The following TOP6BL variants were observed in gnomAD, a reference collection of about 807,000 sequenced individuals.
TOP6BL encodes TOP6B like initiator of meiotic double strand breaks, also known as type 2 DNA topoisomerase 6 subunit B-like.
At chr11:66,839,694 T>C in the TOP6BL span, among the ~76,000 whole-genome samples, 2 of 152,244 alleles carry the variant, frequency 1.3e-5, no homozygotes, top group Admixed American at 1.3e-4. Context: ...TCTATTTTTA[T>C]AAATTTAGAT....
the TOP6BL span, chr11:66,828,639 T>A: frequency 3.0e-6 from 1 of 334,416 alleles, no homozygotes; most frequent in South Asian, 4.2e-5. Flanking sequence ...CAGTCCCCGT[T>A]ACTCCATCTT....
At chr11:66,798,364 C>G in the TOP6BL span, among the ~76,000 whole-genome samples, 1 of 151,974 alleles carries the variant, frequency 6.6e-6, no homozygotes, top group African/African-American at 2.4e-5. Context: ...CTTTGGGAGG[C>G]CGACTTGGGC....
the TOP6BL span, chr11:66,744,782 TG>T: frequency 8.0e-7 from 1 of 1,248,326 alleles, no homozygotes; most frequent in Non-Finnish European, 1.0e-6. Flanking sequence ...GACTCGGGCG[TG>T]GGCACTGGCG....
the TOP6BL span, among the ~76,000 whole-genome samples, chr11:66,810,754 GCTT>G: frequency 6.6e-6 from 1 of 152,150 alleles, no homozygotes; most frequent in African/African-American, 2.4e-5. Flanking sequence ...AGGAGAGACA[GCTT>G]CTTGCATGAC....
chr11:66,837,094 T>C, the TOP6BL span, among the ~76,000 whole-genome samples: 2 of 152,108 alleles, frequency 1.3e-5, no homozygotes, highest in Non-Finnish European at 2.9e-5. Flanking sequence ...TGGATTGACT[T>C]TTCACTTTTG....
the TOP6BL span, among the ~76,000 whole-genome samples, chr11:66,813,157 G>C: frequency 3.9e-5 from 6 of 152,144 alleles, no homozygotes; most frequent in Non-Finnish European, 8.8e-5. Context: ...TTGTATTACA[G>C]CTTACCGGCT....
At chr11:66,755,877 A>T in the TOP6BL span, among the ~76,000 whole-genome samples, 8 of 152,210 alleles carry the variant, frequency 5.3e-5, no homozygotes, top group African/African-American at 1.9e-4. Flanking sequence ...CTTTCTTCAC[A>T]TGGCCTTCTT....
chr11:66,744,966 C>T, the TOP6BL span: 15 of 1,242,584 alleles, frequency 1.2e-5, no homozygotes, highest in African/African-American at 6.2e-5. Flanking sequence ...TCTGAGGAGA[C>T]GGGCTTTGTG....
At chr11:66,816,297 T>A in the TOP6BL span, 1 of 1,291,646 alleles carries the variant, frequency 7.7e-7, no homozygotes, top group Non-Finnish European at 1.0e-6. Flanking sequence ...GATATATTTC[T>A]GTAGAATAAA....
the TOP6BL span, among the ~76,000 whole-genome samples, chr11:66,823,604 G>A: frequency 1.3e-5 from 2 of 151,980 alleles, no homozygotes; most frequent in African/African-American, 2.4e-5. Flanking sequence ...TGGATTGCTT[G>A]AGGTCAGGAG....
chr11:66,800,880 A>G, the TOP6BL span: 1 of 969,898 alleles, frequency 1.0e-6, no homozygotes, highest in Non-Finnish European at 1.6e-6. Context: ...TAGAGGGGGT[A>G]AACTTAAAGA....
chr11:66,816,724 G>A, the TOP6BL span, among the ~76,000 whole-genome samples: 1 of 152,144 alleles, frequency 6.6e-6, no homozygotes. Context: ...AGTGCACCTG[G>A]ATAACTTTTT....
At chr11:66,762,313 C>T in the TOP6BL span, 16 of 414,030 alleles carry the variant, frequency 3.9e-5, no homozygotes, top group African/African-American at 3.1e-4. Context: ...CAGGAGCTGC[C>T]GGAAAGGCGG....
chr11:66,748,340 A>G, the TOP6BL span: 6 of 1,461,766 alleles, frequency 4.1e-6, no homozygotes, highest in Middle Eastern at 1.9e-4. Flanking sequence ...TGTGATTTCT[A>G]AAGAAGATTA....
the TOP6BL span, among the ~76,000 whole-genome samples, chr11:66,765,656 C>G: frequency 3.9e-5 from 6 of 152,206 alleles, no homozygotes; most frequent in Non-Finnish European, 5.9e-5. Context: ...GCTGGGATTA[C>G]AAGCGCCTGC....
chr11:66,779,171 A>G, the TOP6BL span, among the ~76,000 whole-genome samples: 1 of 152,224 alleles, frequency 6.6e-6, no homozygotes, highest in African/African-American at 2.4e-5. Context: ...ATGGGATCTA[A>G]TTAAACTAAA....
the TOP6BL span, chr11:66,843,409 A>G: frequency 7.0e-7 from 1 of 1,422,706 alleles, no homozygotes; most frequent in Non-Finnish European, 9.1e-7. Context: ...CGTCACCCAC[A>G]CCTCCCTGGG....
the TOP6BL span, among the ~76,000 whole-genome samples, chr11:66,803,310 G>C: frequency 6.6e-6 from 1 of 152,168 alleles, no homozygotes; most frequent in Non-Finnish European, 1.5e-5. Flanking sequence ...GGCTGGTCAT[G>C]ATATCTCACA....
chr11:66,820,896 G>A, the TOP6BL span, among the ~76,000 whole-genome samples: 2 of 152,240 alleles, frequency 1.3e-5, no homozygotes, highest in Non-Finnish European at 2.9e-5. Context: ...AATTAGGTAG[G>A]TGTGTAAGTT....
Sources: allele counts gnomAD v4.1 joint callset (sites outside exome capture counted in the v4.1 genomes callset), GRCh38; gene constraint gnomAD v4.1.1; transcripts MANE v1.5; gene names NCBI Gene and HGNC (gene_info 2026-07-23, HGNC 2026-07-21).